The following TSGA10IP variants were observed in gnomAD, a reference collection of about 807,000 sequenced individuals.
TSGA10IP encodes the protein testis specific 10 interacting protein, also known as testis-specific protein 10-interacting protein.
Under a neutral mutation model 63.2 loss-of-function variants are expected in TSGA10IP, and 64 were observed. The observed-to-expected ratio is 1.01, with a 90% CI of 0.83 to 1.25. The LOEUF (loss-of-function observed/expected upper bound fraction) is 1.25. Ranked by LOEUF, TSGA10IP falls within the 50% of genes most tolerant of loss-of-function variation. The probability of loss-of-function intolerance (pLI) is 0.00; values close to 1 mark genes in which losing one functional copy is unlikely to be tolerated. For synonymous variants in TSGA10IP, 316 were observed against 298.3 expected (o/e 1.06, Z -0.61); for missense variants, 681 against 710.1 (o/e 0.96, Z 0.47).
chr11:65,954,610 A>G (rs2134881415), intron 5 of TSGA10IP, among the ~76,000 whole-genome samples: 1 of 152,126 alleles, frequency 6.6e-6, no homozygotes, highest in South Asian at 2.1e-4. Context: ...AGTTTATTGC[A>G]AAGCAAAGGC....
exon 3 of TSGA10IP, chr11:65,947,659 T>G: frequency 6.2e-7 from 1 of 1,611,318 alleles, no homozygotes; most frequent in Admixed American, 1.7e-5. Flanking sequence ...GGCAGATTTC[T>G]GGAGAGGAAG....
At chr11:65,952,984 A>G (rs1320315056) in intron 4 of TSGA10IP, among the ~76,000 whole-genome samples, 2 of 151,866 alleles carry the variant, frequency 1.3e-5, no homozygotes, top group Non-Finnish European at 2.9e-5. Flanking sequence ...ACATTTTAAC[A>G]ATATTAATTC....
rs370739626 is a variant in TSGA10IP at position 65,947,277 on chromosome 11, C to T, written c.452C>T (p.Thr151Met). ...CAGCGTCAGTCCAGGCGCAAGTCCA[C>T]GGCCAACCTCCCAGAGGCCCATGGC... The change falls in exon 3 of 8, where the codon ACG (threonine) becomes ATG (methionine). Residue 151 changes from threonine (T) to methionine (M), a missense_variant. Coordinates refer to ENST00000532620, the Ensembl canonical transcript of TSGA10IP. The T allele has an allele frequency of 4.8e-5, 78 of 1,611,904 alleles. No homozygotes were observed. Among genetic ancestry groups the T allele is most frequent in the African/African-American group, 2.0e-4 (15 of 75,022 alleles).
chr11:65,957,727 G>C (rs183027076), intron 5 of TSGA10IP, among the ~76,000 whole-genome samples: 1 of 152,268 alleles, frequency 6.6e-6, no homozygotes, highest in Admixed American at 6.5e-5. Context: ...TTGGGGTCTT[G>C]TCTGTGTCTC....
intron 4 of TSGA10IP, among the ~76,000 whole-genome samples, chr11:65,949,962 C>T (rs1024454954): frequency 6.9e-6 from 1 of 144,012 alleles, no homozygotes; most frequent in Non-Finnish European, 1.5e-5. Flanking sequence ...AAGCAATTCT[C>T]ATGCCTCAGC....
intron 5 of TSGA10IP, among the ~76,000 whole-genome samples, chr11:65,954,229 G>A (rs188745131): frequency 0.013 from 1,897 of 150,866 alleles, 10 homozygotes; most frequent in Non-Finnish European, 0.02. Context: ...GCAGTGGCGC[G>A]ATCTCGGCTC....
At chr11:65,958,714 C>T (rs1855065893) in intron 5 of TSGA10IP, among the ~76,000 whole-genome samples, 169 bp from the exon 6 acceptor site, 1 of 152,226 alleles carries the variant, frequency 6.6e-6, no homozygotes, top group Non-Finnish European at 1.5e-5. Context: ...ATAATTTCCA[C>T]CTTGGCTGAC....
In TSGA10IP at chr11:65,951,906, G is replaced by A. The variant is rs547989774; in HGVS notation, c.1152-1661G>A. On this transcript the variant is annotated intron_variant, in intron 4 of 7. Coordinates refer to ENST00000532620, the Ensembl canonical transcript of TSGA10IP. ...ACTTCGTCACCCAGGATGGAGTGCA[G>A]TGGCATAATCTTGGCTCACTGCAAC... Among the ~76,000 whole-genome samples, 279 of 150,808 alleles carry A rather than the reference G, an allele frequency of 1.9e-3. 3 individuals are homozygous for A. Among genetic ancestry groups the A allele is most frequent in the African/African-American group, 5.9e-3 (243 of 40,902 alleles).
At chr11:65,951,653 T>A (rs937359962) in intron 4 of TSGA10IP, among the ~76,000 whole-genome samples, 1 of 151,808 alleles carries the variant, frequency 6.6e-6, no homozygotes, top group East Asian at 1.9e-4. Flanking sequence ...CCCTCTCACC[T>A]CAGCCTCCTG....
exon 1 of TSGA10IP, chr11:65,945,570 C>A (rs1854809776): frequency 7.4e-7 from 1 of 1,347,072 alleles, no homozygotes; most frequent in Non-Finnish European, 1.0e-6. Flanking sequence ...CCACTGACCC[C>A]TTCCTAGCAT....
intron 4 of TSGA10IP, among the ~76,000 whole-genome samples, chr11:65,952,292 C>T (rs1249062797): frequency 6.6e-6 from 1 of 152,060 alleles, no homozygotes; most frequent in African/African-American, 2.4e-5. Context: ...TGATTGTTGC[C>T]ATTGCTGTGC....
chr11:65,953,674 C>CTGT, exon 5 of TSGA10IP: 1 of 1,590,882 alleles, frequency 6.3e-7, no homozygotes. Flanking sequence ...CACTGCCTGG[C>CTGT]AGCCTACGCA....
At position 65,951,717 on chromosome 11, in the gene TSGA10IP, CTTT is replaced by C. The variant is rs1265993539; in HGVS notation, c.1152-1847_1152-1845del. ...CACATCCAGCTGATTTATTTTTTAA[CTTT>C]TTATTTGTAGAGATAGGTGTCTTGC... On this transcript the variant is annotated intron_variant, in intron 4 of 7. Coordinates refer to ENST00000532620, the Ensembl canonical transcript of TSGA10IP. 7.4e-5 allele frequency among the ~76,000 whole-genome samples: 11 copies of C among 149,644 alleles called. No individual in the cohort carries two copies. In the South Asian group the frequency reaches 1.7e-3, roughly 23 times the overall value.
intron 5 of TSGA10IP, among the ~76,000 whole-genome samples, chr11:65,955,537 C>T (rs182527881): frequency 0.018 from 2,731 of 151,504 alleles, 19 homozygotes; most frequent in Non-Finnish European, 0.024. Flanking sequence ...CACTTGAACC[C>T]GGGAGGCGGA....
At chr11:65,958,823 G>GTT (rs1855067686) in intron 5 of TSGA10IP, 60 bp from the exon 6 acceptor site, 1 of 1,441,426 alleles carries the variant, frequency 6.9e-7, no homozygotes, top group African/African-American at 1.4e-5. Flanking sequence ...AGCGGGCTCA[G>GTT]GAATGGAGAT....
At chr11:65,956,135 C>CT (rs1357746313) in intron 5 of TSGA10IP, among the ~76,000 whole-genome samples, 11,701 of 109,076 alleles carry the variant, frequency 0.11, 1,327 homozygotes, top group African/African-American at 0.26. Context: ...GAGGCTCAGT[C>CT]TTTTTTTTTT....
chr11:65,953,525 C>T, intron 4 of TSGA10IP, 42 bp from the exon 5 acceptor site: 1 of 1,501,620 alleles, frequency 6.7e-7, no homozygotes, highest in Non-Finnish European at 8.9e-7. Context: ...GAGGCTCCTG[C>T]TGCCCGTGAA....
intron 4 of TSGA10IP, among the ~76,000 whole-genome samples, chr11:65,950,823 A>G (rs898037373): frequency 2.0e-5 from 3 of 152,028 alleles, no homozygotes; most frequent in African/African-American, 7.2e-5. Flanking sequence ...CAGCCTCCCA[A>G]GGTGCTGGGA....
chr11:65,952,888 A>T (rs1174005796), intron 4 of TSGA10IP, among the ~76,000 whole-genome samples: 1 of 151,666 alleles, frequency 6.6e-6, no homozygotes. Context: ...TATTAATTTA[A>T]AATTGTTTTT....
Sources: allele counts gnomAD v4.1 joint callset (sites outside exome capture counted in the v4.1 genomes callset), GRCh38; gene constraint gnomAD v4.1.1; transcripts MANE v1.5; gene names NCBI Gene and HGNC (gene_info 2026-07-23, HGNC 2026-07-21).